The following CANX variants were observed in gnomAD, a reference collection of about 807,000 sequenced individuals.
CANX encodes epididymis secretory sperm binding protein.
CANX carries 14 observed loss-of-function variants against 75.7 expected under a neutral mutation model. The ratio of observed to expected loss-of-function variants is 0.19; its 90% CI spans 0.12 to 0.29. CANX has a LOEUF of 0.29. Among genes scored for constraint, CANX ranks in the 10% least tolerant of loss-of-function variants. CANX has a pLI of 1.00. For missense variants in CANX, 567 were observed against 713.2 expected, an observed-to-expected ratio of 0.79 and a Z score of 2.34; for synonymous variants, 227 against 236.9, an observed-to-expected ratio of 0.96 and a Z score of 0.38.
At chr5:179,684,236 T>A (rs1017652473) in intron 1 of CANX, among the ~76,000 whole-genome samples, 1 of 152,070 alleles carries the variant, frequency 6.6e-6, no homozygotes, top group Non-Finnish European at 1.5e-5. Flanking sequence ...TTTAAAAAAT[T>A]CGCTTAATTA....
At chr5:179,687,889 G>T (rs922861735) in intron 1 of CANX, among the ~76,000 whole-genome samples, 1 of 151,548 alleles carries the variant, frequency 6.6e-6, no homozygotes, top group East Asian at 2.0e-4. Flanking sequence ...CAAAAAATTA[G>T]CTGGGTGTGG....
chr5:179,698,767 C>T, upstream of CANX: 1 of 648,970 alleles, frequency 1.5e-6, no homozygotes, highest in Non-Finnish European at 2.3e-6. Context: ...CACTTCCTGC[C>T]TCACTCCCGG....
At chr5:179,721,104 G>T (rs556252781) in intron 10 of CANX, among the ~76,000 whole-genome samples, 1 of 151,958 alleles carries the variant, frequency 6.6e-6, no homozygotes, top group African/African-American at 2.4e-5. Flanking sequence ...TTGAGACTGA[G>T]TCTCACTCTA....
Position 179,709,890 on chromosome 5 carries a change from G to C in CANX, c.546G>C (p.Lys182Asn). 1 of 1,594,502 alleles carries C rather than the reference G, an allele frequency of 6.3e-7. No individual in the cohort carries two copies. Among genetic ancestry groups the C allele is most frequent in the Non-Finnish European group, 8.5e-7 (1 of 1,173,340 alleles). The change falls in exon 7 of 15, where the codon AAG (lysine) becomes AAC (asparagine). Residue 182 changes from lysine to asparagine, a missense_variant. Lys to Asn is a moderately conservative substitution (Grantham distance 94). Transcript: ENST00000247461. The part of the protein sequence containing the change: ...PELNLDQFHD[K>N]TPYTIMFGPD... ...TTTTGAAGGATCAGTTCCATGACAA[G>C]ACCCCTTATACGATTATGTTTGGTC...
chr5:179,684,591 C>T (rs1230306037), intron 1 of CANX, among the ~76,000 whole-genome samples: 4 of 151,538 alleles, frequency 2.6e-5, no homozygotes, highest in African/African-American at 7.3e-5. Flanking sequence ...CCACCCACCT[C>T]GGCCTCCCAA....
rs1010079574 is a variant in CANX at position 179,705,940 on chromosome 5, A to G, written c.171+88A>G. 27 of 1,082,554 alleles carry G rather than the reference A, an allele frequency of 2.5e-5. No individual in the cohort carries two copies. The African/African-American group carries it at 2.6e-4, about 11-fold the overall frequency. 67.1% of individuals were successfully genotyped at this position (1,082,554 alleles called of 1,614,324 possible). On this transcript the variant is annotated intron_variant, in intron 2 of 14. Coordinates refer to ENST00000247461, the MANE Select transcript of CANX (RefSeq NM_001746.4). The stretch of plus-strand genomic sequence containing the variant: ...CCGGGTGCAGGGAAATGTAGTCTCA[A>G]CTACTCAGGAGGCCTAGGACAGGAG...
chr5:179,719,659 G>T lies in CANX; in HGVS notation c.912-9G>T. The T allele has an allele frequency of 6.5e-7, 1 of 1,550,228 alleles. No individual in the cohort carries two copies. On this transcript the variant is annotated splice_polypyrimidine_tract_variant and intron_variant, in intron 8 of 14. Transcript: ENST00000247461. ...GTTGTCATAACTGGCTTTTTCTTTT[G>T]TATTTAAGGGATGAAGATGCCCCTG...
intron 7 of CANX, among the ~76,000 whole-genome samples, chr5:179,710,278 C>T (rs759756915): frequency 6.6e-6 from 1 of 151,786 alleles, no homozygotes; most frequent in African/African-American, 2.4e-5. Context: ...CAAATATTAG[C>T]TAGGCATGGT....
chr5:179,699,111 G>A lies in CANX; in HGVS notation c.-4+9G>A, dbSNP rs1429286917. On this transcript the variant is annotated intron_variant, in intron 1 of 14. Transcript: ENST00000247461. ...TCCCCGGGAGGCTAGAGGTGAGAGGGGAGACCTGAGCGCGTCCTCGGGCCT... is the reference window on the plus strand; with the variant it reads ...TCCCCGGGAGGCTAGAGGTGAGAGGAGAGACCTGAGCGCGTCCTCGGGCCT... 2.9e-6 allele frequency: 3 copies of A among 1,047,444 alleles called. No individual in the cohort carries two copies. Among genetic ancestry groups the A allele is most frequent in the Non-Finnish European group, 3.5e-6 (3 of 863,790 alleles). The allele number at this position is 1,047,444 out of a possible 1,614,324, so 64.9% of individuals were successfully genotyped here.
chr5:179,709,832 T>C (rs1777408315), intron 6 of CANX, 41 bp from the exon 7 acceptor site: 2 of 1,376,514 alleles, frequency 1.5e-6, no homozygotes, highest in Non-Finnish European at 2.0e-6. Context: ...TTGAACACTT[T>C]GAGTACAGTG....
chr5:179,708,924 A>G, intron 5 of CANX, 54 bp from the exon 6 acceptor site: 3 of 890,120 alleles, frequency 3.4e-6, no homozygotes, highest in Non-Finnish European at 5.8e-6. Flanking sequence ...ACATTAAGAG[A>G]GTTTCGATCT....
chr5:179,699,076 A>AC lies in CANX; in HGVS notation c.-25dup. 1.8e-6 allele frequency: 2 copies of AC among 1,082,242 alleles called. No homozygotes were observed. The highest frequency in any genetic ancestry group is 2.3e-6 in the Non-Finnish European group (2 of 885,124). 67.0% of individuals were successfully genotyped at this position (1,082,242 alleles called of 1,614,324 possible). On this transcript the variant is annotated 5_prime_UTR_variant, in exon 1 of 15. Transcript: ENST00000247461. ...TGTGCGGGCGGGAAGGGGCACGGGC[A>AC]CCCCCGCGGTCCCCGGGAGGCTAGA...
At chr5:179,720,707 G>A in intron 10 of CANX, 147 bp downstream of exon 10, 1 of 675,752 alleles carries the variant, frequency 1.5e-6, no homozygotes, top group Non-Finnish European at 2.6e-6. Context: ...TTGAAAGAGA[G>A]CTTAATGGGT....
upstream of CANX, among the ~76,000 whole-genome samples, chr5:179,696,267 CTTTTTTTT>C (rs34048949): frequency 5.1e-4 from 29 of 56,744 alleles, 1 homozygote; most frequent in South Asian, 3.0e-3. Context: ...AGTGTCATTT[CTTTTTTTT>C]TTTTTTTTTT....
In CANX at chr5:179,709,941, A is replaced by G. The variant is rs542607097; in HGVS notation, c.597A>G (p.Lys199=). Residue 199 remains lysine, a synonymous_variant, in exon 7 of 15, where the codon AAA becomes AAG. Transcript: ENST00000247461. ...CAGATAAATGTGGAGAGGACTATAAACTGCACTTCATCTTCCGACACAAAA... is the reference window on the plus strand; with the variant it reads ...CAGATAAATGTGGAGAGGACTATAAGCTGCACTTCATCTTCCGACACAAAA... ...FGPDKCGEDY[K]LHFIFRHKNP... is the part of the protein sequence containing the mutation. 5 of 1,613,342 alleles carry G rather than the reference A, an allele frequency of 3.1e-6. No homozygotes were observed. The African/African-American group carries it at 6.7e-5, about 22-fold the overall frequency.
At chr5:179,714,920 A>T (rs1045600678) in intron 7 of CANX, among the ~76,000 whole-genome samples, 10 of 151,732 alleles carry the variant, frequency 6.6e-5, no homozygotes, top group Admixed American at 4.6e-4. Context: ...GTGCACCAAC[A>T]TGCCCACCTA....
intron 13 of CANX, 138 bp from the exon 14 acceptor site, chr5:179,726,542 C>T: frequency 3.5e-6 from 2 of 578,502 alleles, no homozygotes; most frequent in Non-Finnish European, 6.2e-6. Context: ...CGCCACTGCA[C>T]TCCAGCCTGG....
In CANX at chr5:179,715,707, G is replaced by A. The variant is rs1381598960; in HGVS notation, c.722-398G>A. ...TAATAATACCAGCTCTATTAAAAATGAAGAAATGGACCTTTTGTACTGGGA... is the reference window on the plus strand; with the variant it reads ...TAATAATACCAGCTCTATTAAAAATAAAGAAATGGACCTTTTGTACTGGGA... On this transcript the variant is annotated intron_variant, in intron 7 of 14. Coordinates refer to ENST00000247461, the MANE Select transcript of CANX (RefSeq NM_001746.4). Among the ~76,000 whole-genome samples, 3 of 152,096 alleles carry A rather than the reference G, an allele frequency of 2.0e-5. No individual in the cohort carries two copies. In the South Asian group the frequency reaches 6.2e-4, roughly 32 times the overall value.
At position 179,722,700 on chromosome 5, in the gene CANX, C is replaced by A. The variant is rs1007219012; in HGVS notation, c.1183-104C>A. Reference sequence around the variant, plus strand: ...CTTATTTCAAGTTTCATGAAGTTGGCATTTCTCTCCATTGTTCATGCAAAA... The same window carrying A: ...CTTATTTCAAGTTTCATGAAGTTGGAATTTCTCTCCATTGTTCATGCAAAA... On this transcript the variant is annotated intron_variant, in intron 10 of 14. Coordinates refer to ENST00000247461, the MANE Select transcript of CANX (RefSeq NM_001746.4). 19 of 675,288 alleles carry A rather than the reference C, an allele frequency of 2.8e-5. No individual in the cohort carries two copies. The African/African-American group carries it at 3.3e-4, about 12-fold the overall frequency. The allele number at this position is 675,288 out of a possible 1,614,324, so 41.8% of individuals were successfully genotyped here.
Sources: allele counts gnomAD v4.1 joint callset (sites outside exome capture counted in the v4.1 genomes callset), GRCh38; gene constraint gnomAD v4.1.1; transcripts MANE v1.5; gene names NCBI Gene and HGNC (gene_info 2026-07-23, HGNC 2026-07-21).